Variants in EPHX4 observed in about 807,000 individuals in gnomAD.
The protein encoded by EPHX4 is abhydrolase domain containing 7.
EPHX4 carries 31 observed loss-of-function variants against 44.9 expected under a neutral mutation model. The ratio of observed to expected loss-of-function variants is 0.69; its 90% confidence interval spans 0.52 to 0.93. The LOEUF is 0.93. Among genes scored for constraint, EPHX4 ranks in the 40% least tolerant of loss-of-function variants. The probability of loss-of-function intolerance (pLI) is 0.00; values close to 1 mark genes in which losing one functional copy is unlikely to be tolerated. For missense variants in EPHX4, 373 were observed against 438.1 expected, an observed-to-expected ratio of 0.85 and a Z score of 1.33; for synonymous variants, 151 against 159.7, an observed-to-expected ratio of 0.95 and a Z score of 0.41.
rs745435867 is a variant in EPHX4, at chr1:92,030,483, T to TGTGTGTGTGTGTGA, written c.231+176_231+177insTGTGTGTGTGAGTG. ...GTGTGTGTGTGTGTGTGTGTGTGTG[T>TGTGTGTGTGTGTGA]GTGAGAGAGAGAGAGAGAGAGAGAG... On this transcript the variant is annotated intron_variant, in intron 1 of 6. Coordinates refer to ENST00000370383, the MANE Select transcript of EPHX4 (RefSeq NM_173567.5). Among the ~76,000 whole-genome samples the TGTGTGTGTGTGTGA allele has an allele frequency of 8.6e-3, 1,196 of 138,602 alleles. 39 individuals carry two copies. Among genetic ancestry groups the TGTGTGTGTGTGTGA allele is most frequent in the African/African-American group, 0.02 (731 of 36,934 alleles). 90.9% of individuals were successfully genotyped at this position (138,602 alleles called of 152,430 possible).
intron 1 of EPHX4, among the ~76,000 whole-genome samples, chr1:92,031,320 TA>T (rs753189815): frequency 2.6e-5 from 4 of 152,086 alleles, no homozygotes; most frequent in Non-Finnish European, 2.9e-5. Flanking sequence ...TCACCACCAA[TA>T]AAAAAAGTTA....
intron 5 of EPHX4, among the ~76,000 whole-genome samples, chr1:92,051,676 A>G (rs1241070890): frequency 1.3e-5 from 2 of 152,188 alleles, no homozygotes; most frequent in African/African-American, 4.8e-5. Context: ...GCATCCCATC[A>G]GGGAAATGCA....
At chr1:92,059,610 T>C (rs1257917419) in intron 6 of EPHX4, among the ~76,000 whole-genome samples, 3 of 152,122 alleles carry the variant, frequency 2.0e-5, no homozygotes, top group African/African-American at 7.2e-5. Context: ...AGAAAAATTA[T>C]CAAAATTAAA....
intron 4 of EPHX4, among the ~76,000 whole-genome samples, chr1:92,048,328 C>T (rs1284445678): frequency 6.6e-6 from 1 of 152,168 alleles, no homozygotes; most frequent in East Asian, 1.9e-4. Context: ...TTCAATTGAT[C>T]AGGACCCAAG....
chr1:92,045,803 TCAGATA>T (rs1688573985), intron 4 of EPHX4, 143 bp downstream of exon 4: 6 of 861,304 alleles, frequency 7.0e-6, no homozygotes, highest in Non-Finnish European at 1.1e-5. Flanking sequence ...CATGACAGTG[TCAGATA>T]CCTTGGTTTT....
At chr1:92,052,033 T>C (rs373855057) in intron 5 of EPHX4, among the ~76,000 whole-genome samples, 3 of 152,308 alleles carry the variant, frequency 2.0e-5, no homozygotes, top group African/African-American at 7.2e-5. Flanking sequence ...ATCAGTCAGT[T>C]AGAGACATTA....
intron 4 of EPHX4, 84 bp downstream of exon 4, chr1:92,045,744 A>C: frequency 6.7e-7 from 1 of 1,498,736 alleles, no homozygotes; most frequent in Non-Finnish European, 9.2e-7. Context: ...AAACAGCAAA[A>C]TTTGGTTACT....
At chr1:92,052,157 A>G (rs148757963) in intron 5 of EPHX4, among the ~76,000 whole-genome samples, 1 of 152,120 alleles carries the variant, frequency 6.6e-6, no homozygotes, top group South Asian at 2.1e-4. Context: ...TTGCCTCCTC[A>G]ATGCCCTGGG....
chr1:92,033,329 A>G (rs1445280262), intron 2 of EPHX4, among the ~76,000 whole-genome samples: 2 of 152,050 alleles, frequency 1.3e-5, no homozygotes, highest in Non-Finnish European at 2.9e-5. Context: ...CCTGCTACCA[A>G]TTTAAATTTA....
chr1:92,030,423 G>A, intron 1 of EPHX4, 113 bp downstream of exon 1: 1 of 954,104 alleles, frequency 1.0e-6, no homozygotes, highest in Non-Finnish European at 1.5e-6. Context: ...TAGTGTCCTG[G>A]CAGGAGGGGA....
chr1:92,045,837 C>A (rs915513754), intron 4 of EPHX4, among the ~76,000 whole-genome samples, 177 bp downstream of exon 4: 1 of 152,188 alleles, frequency 6.6e-6, no homozygotes, highest in African/African-American at 2.4e-5. Context: ...CCTGGGGAAT[C>A]TAAGAAAATT....
Position 92,050,380 on chromosome 1 carries a change from C to T in EPHX4, c.668C>T (p.Pro223Leu), listed in dbSNP as rs149054822. 9.4e-6 allele frequency: 15 copies of T among 1,603,756 alleles called. No homozygotes were observed. Among genetic ancestry groups the T allele is most frequent in the Non-Finnish European group, 1.1e-5 (13 of 1,175,190 alleles). The change falls in exon 5 of 7, where the codon CCA (proline) becomes CTA (leucine). Residue 223 changes from proline (P) to leucine (L), a missense_variant. Pro to Leu is a moderately conservative substitution (Grantham distance 98, BLOSUM62 -3). Coordinates refer to ENST00000370383, the MANE Select transcript of EPHX4 (RefSeq NM_173567.5). The part of the protein sequence containing the change: ...KSSYYYFFQI[P>L]WFPEFMFSIN... ...AGTTATTATTACTTCTTCCAAATAC[C>T]ATGGTTCCCAGAATTTATGTTCTCA...
At chr1:92,037,140 C>T (rs372295567) in intron 2 of EPHX4, among the ~76,000 whole-genome samples, 15 of 151,794 alleles carry the variant, frequency 9.9e-5, no homozygotes, top group African/African-American at 3.1e-4. Flanking sequence ...TTAAGTTTTG[C>T]TTAAATACAC....
rs553969351 is a variant in EPHX4 at position 92,047,904 on chromosome 1, C to T, written c.604+2244C>T. ...ATGGACGATACTTTGAGAACCTCCA[C>T]TTTAAAGGCAACTCTTAAAAACTTA... On this transcript the variant is annotated intron_variant, in intron 4 of 6. Transcript: ENST00000370383. Among the ~76,000 whole-genome samples, 7 of 152,300 alleles carry T rather than the reference C, an allele frequency of 4.6e-5. No homozygotes were observed. The East Asian group carries it at 1.2e-3, about 25-fold the overall frequency.
At chr1:92,049,660 C>A (rs116603897) in intron 4 of EPHX4, among the ~76,000 whole-genome samples, 2,268 of 152,266 alleles carry the variant, frequency 0.015, 28 homozygotes, top group Non-Finnish European at 0.024. Flanking sequence ...TAAGGAAAAT[C>A]TTTTAAACAA....
At chr1:92,041,705 T>C (rs757870053) in intron 2 of EPHX4, among the ~76,000 whole-genome samples, 3 of 152,182 alleles carry the variant, frequency 2.0e-5, no homozygotes, top group Non-Finnish European at 2.9e-5. Context: ...ATAGTACAGA[T>C]TCCCTGGTGG....
At chr1:92,033,514 G>T (rs1434087192) in intron 2 of EPHX4, among the ~76,000 whole-genome samples, 1 of 152,232 alleles carries the variant, frequency 6.6e-6, no homozygotes, top group South Asian at 2.1e-4. Context: ...ATTTTGGTGA[G>T]GCTGGGGTGA....
chr1:92,040,977 T>C (rs6656733), intron 2 of EPHX4, among the ~76,000 whole-genome samples: 77,050 of 151,818 alleles, frequency 0.51, 20,046 homozygotes, highest in African/African-American at 0.64. Context: ...CAAATGTGCA[T>C]GCAGATGCTT....
At chr1:92,050,184 G>A (rs1647223984) in intron 4 of EPHX4, 133 bp from the exon 5 acceptor site, 5 of 603,270 alleles carry the variant, frequency 8.3e-6, no homozygotes, top group Non-Finnish European at 1.5e-5. Context: ...CATAGAAATT[G>A]TTCCAAAGAA....
Sources: allele counts gnomAD v4.1 joint callset (sites outside exome capture counted in the v4.1 genomes callset), GRCh38; gene constraint gnomAD v4.1.1; transcripts MANE v1.5; gene names NCBI Gene and HGNC (gene_info 2026-07-23, HGNC 2026-07-21).